The following RNGTT variants were observed in gnomAD, a reference collection of about 807,000 sequenced individuals.
RNGTT encodes mRNA-capping enzyme.
Under a neutral mutation model 79.3 loss-of-function variants are expected in RNGTT, and 33 were observed. The observed-to-expected ratio is 0.42, with a 90% CI of 0.32 to 0.56. The LOEUF is 0.56. Ranked by LOEUF, RNGTT falls within the 20% of genes least tolerant of loss-of-function variation. RNGTT has a pLI of 0.17. For synonymous variants in RNGTT, 222 were observed against 235.9 expected, an observed-to-expected ratio of 0.94 and a Z score of 0.54; for missense variants, 497 against 739.1, an observed-to-expected ratio of 0.67 and a Z score of 3.80.
intron 4 of RNGTT, among the ~76,000 whole-genome samples, chr6:88,922,108 G>A (rs1784182077): frequency 1.3e-5 from 2 of 151,806 alleles, no homozygotes; most frequent in South Asian, 2.1e-4. Context: ...GTCTGGCTAT[G>A]TTGTCCAGGC....
intron 14 of RNGTT, among the ~76,000 whole-genome samples, chr6:88,656,095 T>C (rs1258355074): frequency 1.3e-5 from 2 of 152,118 alleles, no homozygotes; most frequent in African/African-American, 2.4e-5. Flanking sequence ...TGAAAAGATA[T>C]ATAGAAATAC....
chr6:88,944,091 T>C (rs1463545045), intron 1 of RNGTT, among the ~76,000 whole-genome samples: 1 of 152,122 alleles, frequency 6.6e-6, no homozygotes, highest in African/African-American at 2.4e-5. Context: ...CCTTTTCAAC[T>C]GACAACTTTA....
At chr6:88,876,904 G>C (rs1288984278) in intron 8 of RNGTT, among the ~76,000 whole-genome samples, 14 of 152,130 alleles carry the variant, frequency 9.2e-5, no homozygotes. Flanking sequence ...TTGGTAATAG[G>C]TAATAAATTT....
chr6:88,809,614 C>T lies in RNGTT; in HGVS notation c.1270-7982G>A, dbSNP rs539156133. Among the ~76,000 whole-genome samples the T allele has an allele frequency of 2.0e-5, 3 of 151,840 alleles. No homozygotes were observed. In the South Asian group the frequency reaches 6.3e-4, roughly 32 times the overall value. ...TTAAATAACACACTTCTAAATAACC[C>T]AAGAATAAAAGAAGAAATTAAAAGG... On this transcript the variant is annotated intron_variant, in intron 11 of 15. Coordinates refer to ENST00000369485, the MANE Select transcript of RNGTT (RefSeq NM_003800.5).
At chr6:88,931,128 A>G (rs1038015504) in intron 2 of RNGTT, among the ~76,000 whole-genome samples, 1 of 146,890 alleles carries the variant, frequency 6.8e-6, no homozygotes, top group Non-Finnish European at 1.5e-5. Flanking sequence ...TTCAGATTTT[A>G]TATTTTTGGA....
chr6:88,627,091 TCTTTA>T (rs1772662605), intron 14 of RNGTT, among the ~76,000 whole-genome samples: 1 of 152,126 alleles, frequency 6.6e-6, no homozygotes, highest in Admixed American at 6.6e-5. Context: ...AACACTTTTT[TCTTTA>T]TAGTTATACA....
At chr6:88,923,401 A>C (rs185051338) in intron 4 of RNGTT, among the ~76,000 whole-genome samples, 130 of 152,312 alleles carry the variant, frequency 8.5e-4, no homozygotes, top group African/African-American at 3.0e-3. Flanking sequence ...CTTGAGAAAT[A>C]CCACCATGTT....
At chr6:88,725,590 CAGAA>C (rs1421450999) in intron 13 of RNGTT, among the ~76,000 whole-genome samples, 1 of 151,844 alleles carries the variant, frequency 6.6e-6, no homozygotes, top group Non-Finnish European at 1.5e-5. Flanking sequence ...GGTTGAAACT[CAGAA>C]AGAGGTGAGA....
intron 14 of RNGTT, among the ~76,000 whole-genome samples, chr6:88,676,591 A>T (rs1255847251): frequency 1.3e-5 from 2 of 152,202 alleles, no homozygotes; most frequent in Non-Finnish European, 2.9e-5. Context: ...GAACTTCATC[A>T]ATACTAAGAA....
At chr6:88,929,506 T>A (rs1226847335) in intron 2 of RNGTT, among the ~76,000 whole-genome samples, 11 of 152,092 alleles carry the variant, frequency 7.2e-5, no homozygotes, top group Non-Finnish European at 1.5e-4. Context: ...AGAACAGGAA[T>A]ATAAGCAAAA....
intron 12 of RNGTT, among the ~76,000 whole-genome samples, chr6:88,782,664 A>C (rs1177577512): frequency 1.3e-5 from 2 of 152,168 alleles, no homozygotes; most frequent in East Asian, 3.8e-4. Flanking sequence ...ACAGGGGTTA[A>C]TATCCAATAT....
At chr6:88,732,723 A>T (rs768222512) in intron 13 of RNGTT, among the ~76,000 whole-genome samples, 6 of 152,222 alleles carry the variant, frequency 3.9e-5, no homozygotes, top group Non-Finnish European at 2.9e-5. Context: ...AACCTTGAGG[A>T]TATTATGCTA....
chr6:88,901,097 G>A (rs1164866881), intron 6 of RNGTT, among the ~76,000 whole-genome samples: 2 of 150,880 alleles, frequency 1.3e-5, no homozygotes, highest in East Asian at 2.0e-4. Context: ...AGCCAAGATC[G>A]CAACACTGCA....
intron 6 of RNGTT, among the ~76,000 whole-genome samples, chr6:88,895,073 T>TA (rs1328358343): frequency 2.0e-5 from 3 of 152,054 alleles, no homozygotes; most frequent in Non-Finnish European, 4.4e-5. Context: ...AATCGAAAGT[T>TA]AAAAAAGTAT....
chr6:88,742,490 TC>T (rs1448742625), intron 13 of RNGTT, among the ~76,000 whole-genome samples: 1 of 152,228 alleles, frequency 6.6e-6, no homozygotes, highest in Non-Finnish European at 1.5e-5. Flanking sequence ...ATCATTGCCA[TC>T]AATAATCTGT....
chr6:88,699,039 G>T (rs1775856107), intron 13 of RNGTT, among the ~76,000 whole-genome samples: 1 of 152,122 alleles, frequency 6.6e-6, no homozygotes, highest in Non-Finnish European at 1.5e-5. Flanking sequence ...GTGACTTAAA[G>T]TCTCACTTAC....
chr6:88,821,589 T>C (rs1031951490), intron 11 of RNGTT, among the ~76,000 whole-genome samples: 1 of 151,786 alleles, frequency 6.6e-6, no homozygotes, highest in Non-Finnish European at 1.5e-5. Flanking sequence ...CTAAGCAAAA[T>C]ACGATTAAGC....
intron 8 of RNGTT, among the ~76,000 whole-genome samples, chr6:88,886,927 C>G (rs1273763731): frequency 6.6e-6 from 1 of 151,832 alleles, no homozygotes; most frequent in South Asian, 2.1e-4. Context: ...AAAACCACTC[C>G]AGGCAGGGTT....
chr6:88,914,501 C>T (rs987189294), intron 4 of RNGTT, among the ~76,000 whole-genome samples: 1 of 150,348 alleles, frequency 6.7e-6, no homozygotes, highest in African/African-American at 2.5e-5. Flanking sequence ...TACAACTAAT[C>T]GATCTTCAAC....
Sources: allele counts gnomAD v4.1 joint callset (sites outside exome capture counted in the v4.1 genomes callset), GRCh38; gene constraint gnomAD v4.1.1; transcripts MANE v1.5; gene names NCBI Gene and HGNC (gene_info 2026-07-23, HGNC 2026-07-21).